The following SCAPER variants were observed in gnomAD, a reference collection of about 807,000 sequenced individuals.
The protein encoded by SCAPER is S-phase cyclin A associated protein in the ER, also known as S phase cyclin A-associated protein in the endoplasmic reticulum.
In SCAPER, 98 loss-of-function variants were observed where a neutral mutation model predicts 182.2. The ratio of observed to expected loss-of-function variants is 0.54; its 90% CI spans 0.46 to 0.64. The LOEUF (loss-of-function observed/expected upper bound fraction) is 0.64, where lower values mean the gene tolerates loss of function less well. Ranked by LOEUF, SCAPER falls within the 30% of genes least tolerant of loss-of-function variation. The probability of loss-of-function intolerance (pLI) is 0.00; values close to 1 mark genes in which losing one functional copy is unlikely to be tolerated. For missense variants in SCAPER, 1,432 were observed against 1,690.0 expected, an observed-to-expected ratio of 0.85 and a Z score of 2.68; for synonymous variants, 605 against 564.6, an observed-to-expected ratio of 1.07 and a Z score of -1.01.
chr15:76,815,819 C>A (rs1473799119), intron 5 of SCAPER, among the ~76,000 whole-genome samples: 1 of 152,158 alleles, frequency 6.6e-6, no homozygotes, highest in African/African-American at 2.4e-5. Context: ...GCCACACCGA[C>A]CCCAGTCCGT....
intron 21 of SCAPER, among the ~76,000 whole-genome samples, chr15:76,647,566 A>G (rs1007600245): frequency 2.6e-5 from 4 of 152,214 alleles, no homozygotes; most frequent in Non-Finnish European, 5.9e-5. Flanking sequence ...GCTAAGAAAA[A>G]GTTGGAATTT....
chr15:76,739,923 A>T (rs1443622711), intron 15 of SCAPER, among the ~76,000 whole-genome samples: 1 of 152,244 alleles, frequency 6.6e-6, no homozygotes, highest in African/African-American at 2.4e-5. Context: ...TCCCAATGCT[A>T]TGGGAGGCCA....
chr15:76,537,974 A>T (rs1597270045), intron 23 of SCAPER, among the ~76,000 whole-genome samples: 4 of 152,068 alleles, frequency 2.6e-5, no homozygotes, highest in African/African-American at 9.6e-5. Flanking sequence ...AATGCTCATC[A>T]TCACTGGCCA....
At chr15:76,720,325 T>C (rs1272373228) in intron 17 of SCAPER, among the ~76,000 whole-genome samples, 1 of 152,080 alleles carries the variant, frequency 6.6e-6, no homozygotes, top group Non-Finnish European at 1.5e-5. Context: ...ATCCAGTCTA[T>C]CATTGTTGGA....
intron 25 of SCAPER, among the ~76,000 whole-genome samples, chr15:76,439,345 C>A (rs1480674007): frequency 6.6e-6 from 1 of 152,132 alleles, no homozygotes; most frequent in Non-Finnish European, 1.5e-5. Context: ...TCCCAAAGAC[C>A]TTCTTGTCTT....
At chr15:76,612,295 T>C (rs1486397363) in intron 22 of SCAPER, among the ~76,000 whole-genome samples, 1 of 152,118 alleles carries the variant, frequency 6.6e-6, no homozygotes, top group African/African-American at 2.4e-5. Context: ...TGGGGTGCAG[T>C]AGTGCAATTT....
At chr15:76,607,090 T>C (rs1036749445) in intron 22 of SCAPER, among the ~76,000 whole-genome samples, 7 of 152,244 alleles carry the variant, frequency 4.6e-5, no homozygotes, top group African/African-American at 1.4e-4. Flanking sequence ...GCTCGTTAGT[T>C]GATGCAGTTT....
At chr15:76,641,892 A>G (rs1200217810) in intron 21 of SCAPER, among the ~76,000 whole-genome samples, 1 of 152,214 alleles carries the variant, frequency 6.6e-6, no homozygotes, top group Non-Finnish European at 1.5e-5. Flanking sequence ...TGTCTAAATG[A>G]AGAACAACAT....
chr15:76,742,255 C>T (rs1318517996), intron 15 of SCAPER, among the ~76,000 whole-genome samples: 1 of 151,360 alleles, frequency 6.6e-6, no homozygotes, highest in African/African-American at 2.4e-5. Flanking sequence ...TAGAAACAAG[C>T]TCAGGCCACT....
At chr15:76,633,685 AAAG>A (rs2053350986) in intron 21 of SCAPER, among the ~76,000 whole-genome samples, 1 of 152,184 alleles carries the variant, frequency 6.6e-6, no homozygotes, top group Non-Finnish European at 1.5e-5. Context: ...GGTCCTGCTT[AAAG>A]AAGCAGTCTG....
chr15:76,851,185 T>C (rs887778722), intron 4 of SCAPER, among the ~76,000 whole-genome samples: 2 of 149,376 alleles, frequency 1.3e-5, no homozygotes, highest in Non-Finnish European at 3.0e-5. Flanking sequence ...AACTGTGGGA[T>C]TGTGTAAAGA....
chr15:76,408,065 T>A (rs2044997180), intron 26 of SCAPER, among the ~76,000 whole-genome samples: 1 of 152,232 alleles, frequency 6.6e-6, no homozygotes, highest in African/African-American at 2.4e-5. Flanking sequence ...TTTCTAAATG[T>A]ACCATAAATG....
intron 14 of SCAPER, among the ~76,000 whole-genome samples, chr15:76,758,860 A>T (rs1246567369): frequency 1.3e-5 from 2 of 152,158 alleles, no homozygotes; most frequent in Non-Finnish European, 2.9e-5. Flanking sequence ...AGAAAACTGT[A>T]TCCTTAATTT....
At chr15:76,831,621 C>T (rs2068492774) in intron 5 of SCAPER, among the ~76,000 whole-genome samples, 1 of 151,610 alleles carries the variant, frequency 6.6e-6, no homozygotes, top group African/African-American at 2.4e-5. Context: ...CCTGTGGTTG[C>T]CCCACCGCCG....
At chr15:76,900,403 T>C (rs922876777) in intron 1 of SCAPER, among the ~76,000 whole-genome samples, 2 of 144,718 alleles carry the variant, frequency 1.4e-5, no homozygotes, top group Non-Finnish European at 1.5e-5. Context: ...AAAAAAAATA[T>C]GGATATGGCA....
intron 24 of SCAPER, among the ~76,000 whole-genome samples, chr15:76,490,971 G>C (rs1380371943): frequency 6.6e-6 from 1 of 152,070 alleles, no homozygotes; most frequent in Non-Finnish European, 1.5e-5. Context: ...TGTTAATGAT[G>C]TTTCTCCCTT....
intron 2 of SCAPER, among the ~76,000 whole-genome samples, chr15:76,879,402 A>G (rs1246720141): frequency 6.6e-6 from 1 of 152,020 alleles, no homozygotes; most frequent in Non-Finnish European, 1.5e-5. Context: ...CCTAGCCACA[A>G]CAACTGATCC....
intron 14 of SCAPER, among the ~76,000 whole-genome samples, chr15:76,763,838 T>C (rs920421161): frequency 1.3e-5 from 2 of 152,214 alleles, no homozygotes; most frequent in African/African-American, 2.4e-5. Flanking sequence ...CTTGATGTTC[T>C]CATTTTGTTT....
chr15:76,486,238 A>G (rs528465981), intron 24 of SCAPER, among the ~76,000 whole-genome samples: 3 of 151,954 alleles, frequency 2.0e-5, no homozygotes, highest in Admixed American at 6.6e-5. Context: ...ACAAATACCC[A>G]AAAACCAAAA....
Sources: allele counts gnomAD v4.1 joint callset (sites outside exome capture counted in the v4.1 genomes callset), GRCh38; gene constraint gnomAD v4.1.1; transcripts MANE v1.5; gene names NCBI Gene and HGNC (gene_info 2026-07-23, HGNC 2026-07-21).